LAPTM5: variants seen among roughly 807,000 people sequenced by gnomAD.
The protein encoded by LAPTM5 is lysosomal-associated transmembrane protein 5.
LAPTM5 carries 11 observed loss-of-function variants against 30.1 expected under a neutral mutation model. That is an observed-to-expected ratio of 0.37 (90% CI 0.23 to 0.60). The LOEUF (loss-of-function observed/expected upper bound fraction) is 0.60, where lower values mean the gene tolerates loss of function less well. Among genes scored for constraint, LAPTM5 ranks in the 20% least tolerant of loss-of-function variants. LAPTM5 has a pLI of 0.71. For synonymous variants in LAPTM5, 151 were observed against 137.9 expected (o/e 1.10, Z -0.67); for missense variants, 324 against 332.5 (o/e 0.97, Z 0.20).
In LAPTM5 at chr1:30,743,687, G is replaced by A. The variant is rs374624929; in HGVS notation, c.88-1138C>T. 1.4e-4 allele frequency among the ~76,000 whole-genome samples: 21 copies of A among 151,934 alleles called. No homozygotes were observed. The East Asian group carries it at 1.5e-3, about 11-fold the overall frequency. On this transcript the variant is annotated intron_variant, in intron 1 of 7. Transcript: ENST00000294507. ...GTCGGTGCCCTATCTCTATTAATAT[G>A]GCCCTAAGTTTACATCGGCTTTCTA... is the stretch of plus-strand genomic sequence containing the variant.
chr1:30,743,803 T>G (rs997416381), intron 1 of LAPTM5, among the ~76,000 whole-genome samples: 5 of 147,856 alleles, frequency 3.4e-5, no homozygotes, highest in East Asian at 4.0e-4. Context: ...GGGTTTTTTT[T>G]TTTTTTTTTT....
At position 30,739,851 on chromosome 1, in the gene LAPTM5, A is replaced by G; in HGVS notation, c.345T>C (p.Ile115=). 1 of 1,607,148 alleles carries G rather than the reference A, an allele frequency of 6.2e-7. No individual in the cohort carries two copies. The highest frequency in any genetic ancestry group is 8.5e-7 in the Non-Finnish European group (1 of 1,176,422). ...LCLLTLLGSY[I]ELPAYLKLAS... ...CCAACTTGAGGTAGGCGGGCAGCTC[A>G]ATGTAGGAGCCCAGCAGGGTGAGCA... The change falls in exon 4 of 8, where the codon ATT becomes ATC. Residue 115 remains isoleucine (I), a synonymous_variant. Transcript: ENST00000294507. This position sits in a 1 kb window ranked among gnomAD's most constrained non-coding sequence, Gnocchi z 4.2.
chr1:30,754,613 T>C (rs1451268151), intron 1 of LAPTM5, among the ~76,000 whole-genome samples: 2 of 152,114 alleles, frequency 1.3e-5, no homozygotes, highest in East Asian at 1.9e-4. Context: ...AAAGAATAGA[T>C]TTTTTAAAAA....
chr1:30,742,341 TC>T, intron 2 of LAPTM5, 114 bp downstream of exon 2: 1 of 692,774 alleles, frequency 1.4e-6, no homozygotes, highest in Non-Finnish European at 2.5e-6. Flanking sequence ...TTGCCAGAGG[TC>T]ATCCATCGTC....
At position 30,742,444 on chromosome 1, in the gene LAPTM5, C is replaced by T; in HGVS notation, c.181+12G>A. On this transcript the variant is annotated intron_variant, in intron 2 of 7. Coordinates refer to ENST00000294507, the MANE Select transcript of LAPTM5 (RefSeq NM_006762.3). Reference sequence around the variant, plus strand: ...CTCCCCCCGCCACTCCACCGGCGTCCCCTGGACCTACCGATCCTGAGGTAG... The same window carrying T: ...CTCCCCCCGCCACTCCACCGGCGTCTCCTGGACCTACCGATCCTGAGGTAG... The T allele has an allele frequency of 6.2e-7, 1 of 1,606,380 alleles. No individual in the cohort carries two copies. Among genetic ancestry groups the T allele is most frequent in the Non-Finnish European group, 8.5e-7 (1 of 1,174,638 alleles).
intron 1 of LAPTM5, among the ~76,000 whole-genome samples, chr1:30,748,657 A>T (rs1036464804): frequency 1.3e-5 from 2 of 152,154 alleles, no homozygotes; most frequent in African/African-American, 4.8e-5. Flanking sequence ...GCCAGCCCAG[A>T]TACCACCAGA....
chr1:30,739,154 C>A lies in LAPTM5; in HGVS notation c.388-92G>T. 2.1e-6 allele frequency: 3 copies of A among 1,456,804 alleles called. No homozygotes were observed. Among genetic ancestry groups the A allele is most frequent in the East Asian group, 2.5e-5 (1 of 39,230 alleles). 90.2% of individuals were successfully genotyped at this position (1,456,804 alleles called of 1,614,324 possible). A position where few individuals can be genotyped will look rare whatever the true frequency, so the allele number is the denominator to read the frequency against. ...ACATAGTAGGCCCTCACTTGAGAGA[C>A]CGTCTCAGCTACAGACATCAGTGAC... On this transcript the variant is annotated intron_variant, in intron 4 of 7. Coordinates refer to ENST00000294507, the MANE Select transcript of LAPTM5 (RefSeq NM_006762.3). This position sits in a 1 kb window ranked among gnomAD's most constrained non-coding sequence, Gnocchi z 4.2.
chr1:30,736,092 G>A (rs554798940), intron 6 of LAPTM5, among the ~76,000 whole-genome samples: 4 of 152,174 alleles, frequency 2.6e-5, no homozygotes, highest in South Asian at 4.2e-4. Flanking sequence ...TGGGGTCTGC[G>A]GAGGGGTCCT....
chr1:30,740,248 C>T (rs1405208913), intron 3 of LAPTM5, among the ~76,000 whole-genome samples: 1 of 152,132 alleles, frequency 6.6e-6, no homozygotes, highest in African/African-American at 2.4e-5. Flanking sequence ...GCACTTTTTA[C>T]AGAGGAGAGG....
intron 1 of LAPTM5, among the ~76,000 whole-genome samples, chr1:30,749,669 G>A (rs1020951808): frequency 9.2e-5 from 14 of 152,086 alleles, no homozygotes; most frequent in South Asian, 2.1e-4. Flanking sequence ...GGGTCCAACC[G>A]TAGGGGTCAG....
intron 7 of LAPTM5, 59 bp from the exon 8 acceptor site, chr1:30,733,976 C>G (rs1639852978): frequency 5.1e-6 from 8 of 1,563,496 alleles, no homozygotes; most frequent in East Asian, 2.3e-5. Flanking sequence ...CAATTCCAAC[C>G]TGGGGTCATG....
At chr1:30,742,593 G>C (rs775154709) in intron 1 of LAPTM5, 44 bp from the exon 2 acceptor site, 1 of 1,517,522 alleles carries the variant, frequency 6.6e-7, no homozygotes, top group East Asian at 2.3e-5. Context: ...CTGCATCACG[G>C]CCCCCCGACC....
At position 30,737,590 on chromosome 1, in the gene LAPTM5, A is replaced by C; in HGVS notation, c.606+14T>G. Reference sequence around the variant, plus strand: ...ACCACCCCTCCCAGAGCCGCAGGGCAGGGATCCACTCACCTTGAAGATAAG... The same window carrying C: ...ACCACCCCTCCCAGAGCCGCAGGGCCGGGATCCACTCACCTTGAAGATAAG... On this transcript the variant is annotated intron_variant, in intron 6 of 7. Coordinates refer to ENST00000294507, the MANE Select transcript of LAPTM5 (RefSeq NM_006762.3). 2.5e-6 allele frequency: 4 copies of C among 1,590,350 alleles called. 1 individual carries two copies. Among genetic ancestry groups the C allele is most frequent in the African/African-American group, 2.7e-5 (2 of 74,528 alleles).
chr1:30,755,172 A>G (rs911269198), intron 1 of LAPTM5, among the ~76,000 whole-genome samples: 3 of 151,818 alleles, frequency 2.0e-5, no homozygotes, highest in Non-Finnish European at 2.9e-5. Context: ...CTCATCACTC[A>G]TAGGCATTGG....
At chr1:30,735,412 G>A (rs561203417) in intron 6 of LAPTM5, 147 bp from the exon 7 acceptor site, 2 of 676,184 alleles carry the variant, frequency 3.0e-6, no homozygotes, top group Admixed American at 4.7e-5. Context: ...TTCTGGTTGG[G>A]GGTTCCTCAC....
intron 1 of LAPTM5, among the ~76,000 whole-genome samples, chr1:30,755,283 A>G (rs920896640): frequency 8.6e-5 from 13 of 151,830 alleles, no homozygotes; most frequent in African/African-American, 3.1e-4. Context: ...TCTAGTAGGT[A>G]GAGACCATGG....
chr1:30,750,643 C>A (rs1395394658), intron 1 of LAPTM5, among the ~76,000 whole-genome samples: 1 of 152,196 alleles, frequency 6.6e-6, no homozygotes, highest in East Asian at 1.9e-4. Flanking sequence ...GAGCTGACCC[C>A]CTCCCCCATC....
intron 6 of LAPTM5, among the ~76,000 whole-genome samples, chr1:30,736,388 G>A (rs1173968817): frequency 1.3e-5 from 2 of 152,138 alleles, no homozygotes; most frequent in African/African-American, 4.8e-5. Context: ...GTGGGGTGTG[G>A]ATGGTGGAGT....
chr1:30,757,584 T>C (rs1212486680), intron 1 of LAPTM5, 75 bp downstream of exon 1: 2 of 1,468,952 alleles, frequency 1.4e-6, no homozygotes, highest in East Asian at 4.6e-5. Flanking sequence ...TGGGGCTCCG[T>C]AGATGACGGG....
Sources: gnomAD v4.1 joint callset for allele counts (sites outside exome capture counted in the v4.1 genomes callset) on GRCh38, gnomAD v4.1.1 for gene constraint, Gnocchi (gnomAD v3.1) non-coding constraint, MANE v1.5 for transcripts, NCBI Gene and HGNC (gene_info 2026-07-23, HGNC 2026-07-21) for gene names.